The following CDK13 variants were observed in gnomAD, a reference collection of about 807,000 sequenced individuals.
CDK13 encodes the protein cyclin-dependent kinase 13.
A neutral mutation model predicts 137.6 loss-of-function variants in CDK13; 40 were observed. That is an observed-to-expected ratio of 0.29 (90% CI 0.23 to 0.38). The LOEUF (loss-of-function observed/expected upper bound fraction) is 0.38, where lower values mean the gene tolerates loss of function less well. CDK13 is among the 10% of genes least tolerant of loss of function. CDK13 has a pLI of 1.00. For synonymous variants in CDK13, 869 were observed against 760.1 expected (o/e 1.14, Z -2.36); for missense variants, 1,704 against 1,951.8 (o/e 0.87, Z 2.39).
intron 5 of CDK13, among the ~76,000 whole-genome samples, chr7:40,029,662 C>A (rs796668434): frequency 7.2e-6 from 1 of 138,454 alleles, no homozygotes; most frequent in African/African-American, 2.7e-5. Flanking sequence ...TTTTTTTTTT[C>A]TTTTTTTTGA....
At chr7:40,078,693 C>A in intron 10 of CDK13, 27 bp from the exon 11 acceptor site, 1 of 1,413,932 alleles carries the variant, frequency 7.1e-7, no homozygotes, top group Non-Finnish European at 9.3e-7. Context: ...AAGAACACAT[C>A]TAACTTTTGT....
At chr7:39,997,174 C>G (rs1403652308) in intron 2 of CDK13, among the ~76,000 whole-genome samples, 1 of 151,988 alleles carries the variant, frequency 6.6e-6, no homozygotes, top group Non-Finnish European at 1.5e-5. Flanking sequence ...TACCCAGTTT[C>G]TTTACTGTTA....
At chr7:39,960,215 A>AT (rs61110193) in intron 1 of CDK13, among the ~76,000 whole-genome samples, 3,457 of 143,718 alleles carry the variant, frequency 0.024, 116 homozygotes, top group African/African-American at 0.086. Flanking sequence ...TCATTTGATC[A>AT]TTTTTTTTTT....
At chr7:40,059,238 C>T (rs1214281789) in intron 7 of CDK13, 1 of 152,176 alleles carries the variant, frequency 6.6e-6, no homozygotes. Context: ...TATCACACTG[C>T]TTGGTTTGTT....
At chr7:39,965,026 G>A (rs1583915584) in intron 1 of CDK13, among the ~76,000 whole-genome samples, 3 of 152,246 alleles carry the variant, frequency 2.0e-5, no homozygotes, top group African/African-American at 7.2e-5. Context: ...CATTTGCTGA[G>A]GAGTGCTTTA....
chr7:40,093,890 A>G (rs1408817073), intron 13 of CDK13, among the ~76,000 whole-genome samples: 1 of 145,732 alleles, frequency 6.9e-6, no homozygotes, highest in Non-Finnish European at 1.5e-5. Context: ...TGGGTGACAG[A>G]GTGAGACCGT....
chr7:40,012,170 A>C (rs1784909500), intron 5 of CDK13, among the ~76,000 whole-genome samples: 1 of 152,228 alleles, frequency 6.6e-6, no homozygotes, highest in South Asian at 2.1e-4. Context: ...AGTGTTGTCC[A>C]GGATGTGGAG....
chr7:40,046,101 C>A lies in CDK13; in HGVS notation c.2543+76C>A, dbSNP rs1167893718. ...GTACATGGAGAGAATAGACTGGAAA[C>A]CGTAGCGGCGGGGAATGTCGGGGGT... On this transcript the variant is annotated intron_variant, in intron 6 of 13. Transcript: ENST00000181839. The A allele has an allele frequency of 5.3e-6, 5 of 942,800 alleles. No homozygotes were observed. The African/African-American group carries it at 6.6e-5, about 13-fold the overall frequency. The allele number at this position is 942,800 out of a possible 1,614,324, so 58.4% of individuals were successfully genotyped here. A position where few individuals can be genotyped will look rare whatever the true frequency, so the allele number is the denominator to read the frequency against.
At chr7:39,952,525 G>C (rs1048605202) in intron 1 of CDK13, 1 of 152,132 alleles carries the variant, frequency 6.6e-6, no homozygotes, top group African/African-American at 2.4e-5. Context: ...ATAGAAGGTA[G>C]AAAAAATGAC....
chr7:39,971,809 G>A (rs1784005191), intron 1 of CDK13, among the ~76,000 whole-genome samples: 1 of 152,084 alleles, frequency 6.6e-6, no homozygotes, highest in East Asian at 1.9e-4. Flanking sequence ...CTTGAACCTG[G>A]GAGGTGGAGC....
intron 5 of CDK13, among the ~76,000 whole-genome samples, chr7:40,033,116 T>G (rs1157014415): frequency 6.6e-6 from 1 of 152,164 alleles, no homozygotes; most frequent in East Asian, 1.9e-4. Flanking sequence ...CCACCATGTT[T>G]GGCTAATTTC....
At chr7:40,078,452 A>G in intron 10 of CDK13, 1 of 276,828 alleles carries the variant, frequency 3.6e-6, no homozygotes, top group South Asian at 1.2e-4. Context: ...TAATTTGTAT[A>G]ATAACAGCAA....
Position 39,950,367 on chromosome 7 carries a change from G to C in CDK13, c.-275G>C. On this transcript the variant is annotated 5_prime_UTR_variant, in exon 1 of 14. Coordinates refer to ENST00000181839, the MANE Select transcript of CDK13 (RefSeq NM_003718.5). ...CGCAGGTCAGCGCCCGGCGCATCTG[G>C]TGTTTTCGCTGCCGAGGATAGGACG... 1 of 1,206,680 alleles carries C rather than the reference G, an allele frequency of 8.3e-7. No individual in the cohort carries two copies. Among genetic ancestry groups the C allele is most frequent in the South Asian group, 4.2e-5 (1 of 24,092 alleles). The allele number at this position is 1,206,680 out of a possible 1,614,324, so 74.7% of individuals were successfully genotyped here. A position where few individuals can be genotyped will look rare whatever the true frequency, so the allele number is the denominator to read the frequency against.
intron 7 of CDK13, among the ~76,000 whole-genome samples, chr7:40,057,030 G>A (rs1786034517): frequency 6.6e-6 from 1 of 152,226 alleles, no homozygotes; most frequent in African/African-American, 2.4e-5. Flanking sequence ...CAAGGCAGAT[G>A]GATCACCTGA....
intron 4 of CDK13, among the ~76,000 whole-genome samples, chr7:40,000,942 G>A (rs1784670511): frequency 1.3e-5 from 2 of 152,228 alleles, no homozygotes; most frequent in South Asian, 4.1e-4. Flanking sequence ...ATACAAAGCT[G>A]ACTCATACTT....
chr7:39,987,886 C>G lies in CDK13; in HGVS notation c.1499C>G (p.Thr500Arg). ...ACTTCTACACCTACCAAGGGGAACA[C>G]GGAAACTAGTGCCAGTGCATCACAA... The part of the protein sequence containing the change: ...SNTSTPTKGN[T>R]ETSASASQTN... The change falls in exon 2 of 14, where the codon ACG (threonine) becomes AGG (arginine). Residue 500 changes from threonine (T) to arginine (R), a missense_variant. Thr to Arg is a moderately conservative substitution (Grantham distance 71, BLOSUM62 -1). Around this residue, in one of 5 missense-constraint regions of CDK13, gnomAD observed 1,051 missense variants for 931.0 expected, o/e 1.13. Coordinates refer to ENST00000181839, the MANE Select transcript of CDK13 (RefSeq NM_003718.5). The G allele has an allele frequency of 6.2e-7, 1 of 1,614,180 alleles. No homozygotes were observed. The highest frequency in any genetic ancestry group is 2.2e-5 in the East Asian group (1 of 44,890).
At chr7:40,017,235 C>T (rs533261362) in intron 5 of CDK13, among the ~76,000 whole-genome samples, 53 of 152,156 alleles carry the variant, frequency 3.5e-4, no homozygotes, top group African/African-American at 1.0e-3. Flanking sequence ...TGGTTTTTAG[C>T]GTCTTCCAAC....
At chr7:40,002,477 T>C (rs1784703154) in intron 5 of CDK13, among the ~76,000 whole-genome samples, 1 of 152,062 alleles carries the variant, frequency 6.6e-6, no homozygotes. Flanking sequence ...TATAGTGGGG[T>C]ATGTATATAT....
chr7:39,999,416 C>T lies in CDK13; in HGVS notation c.2098C>T (p.Arg700Cys), dbSNP rs760367885. The part of the protein sequence containing the change: ...TKEKDIDWGK[R>C]CVDKFDIIGI... The stretch of plus-strand genomic sequence containing the variant: ...AGAAAAAGATATTGACTGGGGAAAA[C>T]GCTGCGTGGATAAATTTGATATCAT... Residue 700 changes from arginine (R) to cysteine (C), a missense_variant, in exon 4 of 14, where the codon CGC (arginine) becomes TGC (cysteine). Physicochemically the swap from Arg to Cys is radical, Grantham distance 180. Transcript: ENST00000181839. 28 of 1,612,834 alleles carry T rather than the reference C, an allele frequency of 1.7e-5. No individual in the cohort carries two copies. Among genetic ancestry groups the T allele is most frequent in the Non-Finnish European group, 2.1e-5 (25 of 1,179,304 alleles).
Sources: gnomAD v4.1 joint callset for allele counts (sites outside exome capture counted in the v4.1 genomes callset) on GRCh38, gnomAD v4.1.1 for gene constraint, gnomAD v4.1.1 regional missense constraint, MANE v1.5 for transcripts, NCBI Gene and HGNC (gene_info 2026-07-23, HGNC 2026-07-21) for gene names.